SAMD5: variants seen among roughly 807,000 people sequenced by gnomAD.
SAMD5 encodes sterile alpha motif domain-containing protein 5.
Under a neutral mutation model 11.3 loss-of-function variants are expected in SAMD5, and 13 were observed. That is an observed-to-expected ratio of 1.15 (90% CI 0.75 to 1.83). The LOEUF is 1.83. Among genes scored for constraint, SAMD5 ranks in the 40% most tolerant of loss-of-function variants. The pLI is 0.00. For missense variants in SAMD5, 255 were observed against 239.1 expected, an observed-to-expected ratio of 1.07 and a Z score of -0.44; for synonymous variants, 129 against 111.3, an observed-to-expected ratio of 1.16 and a Z score of -1.00.
At chr6:147,926,792 T>C in the SAMD5 span, among the ~76,000 whole-genome samples, 2 of 152,266 alleles carry the variant, frequency 1.3e-5, no homozygotes, top group East Asian at 3.9e-4. Context: ...GTCTTCCAGG[T>C]TTTTATAGTT....
the SAMD5 span, among the ~76,000 whole-genome samples, chr6:147,790,951 T>C: frequency 6.6e-6 from 1 of 151,908 alleles, no homozygotes; most frequent in Admixed American, 6.6e-5. Context: ...GTGTTAAGTA[T>C]TGTGTGTGTA....
the SAMD5 span, among the ~76,000 whole-genome samples, chr6:147,778,186 A>C: frequency 1.3e-5 from 2 of 152,110 alleles, no homozygotes; most frequent in African/African-American, 2.4e-5. Flanking sequence ...CGTTAGTTCT[A>C]TCTTGTCTTC....
At chr6:147,759,287 C>G in the SAMD5 span, among the ~76,000 whole-genome samples, 2 of 152,152 alleles carry the variant, frequency 1.3e-5, no homozygotes, top group Non-Finnish European at 2.9e-5. Flanking sequence ...TTCCTCATTA[C>G]TGTATTGCGT....
At chr6:147,789,416 C>T in the SAMD5 span, among the ~76,000 whole-genome samples, 2 of 151,774 alleles carry the variant, frequency 1.3e-5, no homozygotes, top group Non-Finnish European at 2.9e-5. Context: ...ATCTCCCTGC[C>T]CAGAGATATA....
chr6:147,742,666 T>C, the SAMD5 span, among the ~76,000 whole-genome samples: 1 of 152,292 alleles, frequency 6.6e-6, no homozygotes, highest in East Asian at 1.9e-4. Context: ...CTCTATCCAG[T>C]TAAGAACTAA....
the SAMD5 span, among the ~76,000 whole-genome samples, chr6:147,818,142 A>G: frequency 6.6e-6 from 1 of 152,022 alleles, no homozygotes; most frequent in Non-Finnish European, 1.5e-5. Context: ...TACACCTTCA[A>G]TGGAACGAAC....
chr6:147,947,037 GGTCTCGTTTACGGGGCAAATC>G, the SAMD5 span, among the ~76,000 whole-genome samples: 439 of 152,306 alleles, frequency 2.9e-3, 3 homozygotes, highest in African/African-American at 1.0e-2. Context: ...GGATGGTTGA[GGTCTCGTTTACGGGGCAAATC>G]CTTCCTTTGG....
the SAMD5 span, among the ~76,000 whole-genome samples, chr6:147,877,701 A>G: frequency 7.2e-5 from 11 of 152,012 alleles, 1 homozygote; most frequent in African/African-American, 2.2e-4. Context: ...GGCCTTAAGA[A>G]AAAAGACTGA....
chr6:147,923,789 C>T, the SAMD5 span, among the ~76,000 whole-genome samples: 10 of 152,290 alleles, frequency 6.6e-5, no homozygotes, highest in Admixed American at 6.5e-4. Context: ...GACACCTGGG[C>T]CCCTGATGGG....
chr6:147,897,220 T>C, the SAMD5 span, among the ~76,000 whole-genome samples: 1 of 152,214 alleles, frequency 6.6e-6, no homozygotes, highest in Non-Finnish European at 1.5e-5. Context: ...CTTTACATGC[T>C]TAACCACAAG....
At position 147,602,411 on chromosome 6, in the gene SAMD5, T is replaced by C. The variant is rs535738187; in HGVS notation, c.162+93024T>C. ...TTCAGAAGTGTTCCTTTGCGATGTT[T>C]GAAGTGATCCTTGTGGAAACAAACA... On this transcript the variant is annotated intron_variant, in intron 1 of 1. Transcript: ENST00000566741. Among the ~76,000 whole-genome samples, 4 of 152,338 alleles carry C rather than the reference T, an allele frequency of 2.6e-5. No individual in the cohort carries two copies. The East Asian group carries it at 7.7e-4, about 29-fold the overall frequency.
chr6:147,871,709 C>A, the SAMD5 span, among the ~76,000 whole-genome samples: 1 of 152,170 alleles, frequency 6.6e-6, no homozygotes, highest in Non-Finnish European at 1.5e-5. Flanking sequence ...TTGTCCTCCC[C>A]TTTGTCCTAT....
chr6:147,568,006 T>C lies in SAMD5; in HGVS notation c.*3550T>C. 7.1e-6 allele frequency: 7 copies of C among 985,470 alleles called. No individual in the cohort carries two copies. Among genetic ancestry groups the C allele is most frequent in the Non-Finnish European group, 8.4e-6 (7 of 829,936 alleles). The allele number at this position is 985,470 out of a possible 1,614,324, so 61.0% of individuals were successfully genotyped here. ...GGGAAATAGGCACATGGACAGATTA[T>C]ATGAAGGTATTTCATTAGCTTTCTT... On this transcript the variant is annotated 3_prime_UTR_variant, in exon 2 of 2. Coordinates refer to ENST00000367474, the MANE Select transcript of SAMD5 (RefSeq NM_001030060.3).
chr6:147,799,872 G>T, the SAMD5 span, among the ~76,000 whole-genome samples: 1 of 151,986 alleles, frequency 6.6e-6, no homozygotes, highest in Non-Finnish European at 1.5e-5. Context: ...GGCTCCTGAG[G>T]CTTCTGCATT....
chr6:147,656,329 T>C (rs1188026608), intron 1 of SAMD5, among the ~76,000 whole-genome samples: 2 of 152,008 alleles, frequency 1.3e-5, no homozygotes, highest in Middle Eastern at 3.2e-3. Context: ...AAAAGATAAA[T>C]GTGGCTCCAT....
chr6:147,706,555 A>G (rs555263955), intron 1 of SAMD5, among the ~76,000 whole-genome samples: 323 of 152,322 alleles, frequency 2.1e-3, no homozygotes, highest in Non-Finnish European at 3.7e-3. Flanking sequence ...AGGAAAGAGG[A>G]AAAACAGTAT....
At chr6:147,716,297 A>T (rs1791466122) in intron 1 of SAMD5, among the ~76,000 whole-genome samples, 1 of 152,214 alleles carries the variant, frequency 6.6e-6, no homozygotes, top group South Asian at 2.1e-4. Context: ...GGGCTGCAAC[A>T]GTGCCTGGCT....
At chr6:147,797,694 G>T in the SAMD5 span, among the ~76,000 whole-genome samples, 1 of 140,556 alleles carries the variant, frequency 7.1e-6, no homozygotes, top group East Asian at 2.2e-4. Context: ...AATCCATCTG[G>T]TCCTGGACTC....
At chr6:147,529,387 T>C (rs559323183) in intron 1 of SAMD5, among the ~76,000 whole-genome samples, 16 of 152,320 alleles carry the variant, frequency 1.1e-4, no homozygotes, top group South Asian at 2.1e-4. Flanking sequence ...TTGGTCTTAA[T>C]CCAAGAGTTC....
Sources: gnomAD v4.1 joint callset for allele counts (sites outside exome capture counted in the v4.1 genomes callset) on GRCh38, gnomAD v4.1.1 for gene constraint, MANE v1.5 for transcripts, NCBI Gene and HGNC (gene_info 2026-07-23, HGNC 2026-07-21) for gene names.